TMEM117: variants seen among roughly 807,000 people sequenced by gnomAD.
TMEM117 encodes transmembrane protein 117.
TMEM117 carries 27 observed loss-of-function variants against 52.4 expected under a neutral mutation model. That is an observed-to-expected ratio of 0.51 (90% CI 0.38 to 0.71). The LOEUF (loss-of-function observed/expected upper bound fraction) is 0.71, where lower values mean the gene tolerates loss of function less well. Ranked by LOEUF, TMEM117 falls within the 30% of genes least tolerant of loss-of-function variation. The probability of loss-of-function intolerance (pLI) is 0.00; values close to 1 mark genes in which losing one functional copy is unlikely to be tolerated. For synonymous variants in TMEM117, 215 were observed against 206.3 expected (o/e 1.04, Z -0.36); for missense variants, 556 against 630.5 (o/e 0.88, Z 1.26).
At chr12:44,119,011 A>G (rs1346600765) in intron 3 of TMEM117, among the ~76,000 whole-genome samples, 2 of 152,216 alleles carry the variant, frequency 1.3e-5, no homozygotes, top group Admixed American at 6.5e-5. Flanking sequence ...CTGTACTCAT[A>G]ATTCAAGTTT....
chr12:44,034,318 A>T (rs1190586102), intron 3 of TMEM117, among the ~76,000 whole-genome samples: 1 of 152,232 alleles, frequency 6.6e-6, no homozygotes, highest in Non-Finnish European at 1.5e-5. Flanking sequence ...AGAGAGATGT[A>T]AACAGGGCAG....
At chr12:44,031,772 C>T (rs1946636474) in intron 3 of TMEM117, among the ~76,000 whole-genome samples, 1 of 152,082 alleles carries the variant, frequency 6.6e-6, no homozygotes, top group Admixed American at 6.5e-5. Flanking sequence ...TGTGAGTATC[C>T]TTAATTTATG....
intron 5 of TMEM117, among the ~76,000 whole-genome samples, chr12:44,276,683 T>A (rs1950515472): frequency 6.6e-6 from 1 of 152,148 alleles, no homozygotes; most frequent in South Asian, 2.1e-4. Context: ...ATATGTCAAA[T>A]AGCTTGATTA....
intron 2 of TMEM117, among the ~76,000 whole-genome samples, chr12:43,870,855 G>A (rs184005603): frequency 7.9e-5 from 12 of 152,182 alleles, no homozygotes; most frequent in African/African-American, 2.9e-4. Context: ...TGCTATCCCC[G>A]CTCACTGCAA....
At chr12:43,807,107 A>G in the TMEM117 span, among the ~76,000 whole-genome samples, 1 of 152,112 alleles carries the variant, frequency 6.6e-6, no homozygotes, top group Non-Finnish European at 1.5e-5. Flanking sequence ...CTGAAAGGTA[A>G]TGTTAGTTTT....
At chr12:44,024,997 C>T (rs1946511251) in intron 3 of TMEM117, among the ~76,000 whole-genome samples, 1 of 151,988 alleles carries the variant, frequency 6.6e-6, no homozygotes, top group Non-Finnish European at 1.5e-5. Context: ...CATGTTACAA[C>T]CAAAAGGTGA....
chr12:44,042,145 G>C (rs552120665), intron 3 of TMEM117, among the ~76,000 whole-genome samples: 1 of 152,098 alleles, frequency 6.6e-6, no homozygotes, highest in Non-Finnish European at 1.5e-5. Context: ...CTTCAGCAAA[G>C]TTTCAAGATA....
At chr12:43,976,405 C>T (rs1383134387) in intron 3 of TMEM117, among the ~76,000 whole-genome samples, 6 of 152,038 alleles carry the variant, frequency 3.9e-5, no homozygotes, top group Non-Finnish European at 8.8e-5. Context: ...TAGCAGCCCC[C>T]CTAAGCTGGC....
intron 3 of TMEM117, among the ~76,000 whole-genome samples, chr12:44,043,947 A>G (rs1946841413): frequency 6.6e-6 from 1 of 152,164 alleles, no homozygotes. Context: ...TCAGGGAGTT[A>G]AAAAAGGTTC....
intron 4 of TMEM117, among the ~76,000 whole-genome samples, chr12:44,206,024 A>G (rs1032316155): frequency 7.9e-5 from 12 of 152,258 alleles, no homozygotes; most frequent in Admixed American, 6.5e-4. Flanking sequence ...GACAGCCTTC[A>G]GAGCTGAGAG....
At chr12:43,937,682 G>T (rs1355507879) in intron 2 of TMEM117, among the ~76,000 whole-genome samples, 2 of 152,140 alleles carry the variant, frequency 1.3e-5, no homozygotes, top group Non-Finnish European at 2.9e-5. Flanking sequence ...CCTAGATGTA[G>T]AAAGATAGGA....
chr12:44,236,285 C>G (rs2087585163), intron 5 of TMEM117, among the ~76,000 whole-genome samples: 2 of 151,906 alleles, frequency 1.3e-5, no homozygotes, highest in Non-Finnish European at 2.9e-5. Flanking sequence ...TGTGTATGCC[C>G]TATTCTCTGA....
intron 2 of TMEM117, among the ~76,000 whole-genome samples, chr12:43,880,870 G>C (rs1406786): frequency 0.88 from 134,343 of 152,232 alleles, 61,380 homozygotes; most frequent in Non-Finnish European, 0.99. Flanking sequence ...GTTAAGAATA[G>C]TTTTGTATCA....
At chr12:44,022,713 AG>A (rs1393058481) in intron 3 of TMEM117, among the ~76,000 whole-genome samples, 1 of 152,180 alleles carries the variant, frequency 6.6e-6, no homozygotes, top group East Asian at 1.9e-4. Flanking sequence ...AATATTAGGA[AG>A]GGATAACACT....
intron 3 of TMEM117, among the ~76,000 whole-genome samples, chr12:43,981,018 C>T (rs756084343): frequency 6.6e-5 from 10 of 152,106 alleles, no homozygotes; most frequent in Non-Finnish European, 1.3e-4. Flanking sequence ...CCCTTATTAT[C>T]TGCCCTCGCC....
chr12:44,037,289 G>A (rs759072098), intron 3 of TMEM117, among the ~76,000 whole-genome samples: 9 of 152,136 alleles, frequency 5.9e-5, no homozygotes, highest in African/African-American at 1.9e-4. Flanking sequence ...TGTTCTTGAC[G>A]GCCTGGGAAG....
At chr12:44,326,434 T>A (rs1951196980) in intron 6 of TMEM117, among the ~76,000 whole-genome samples, 1 of 152,106 alleles carries the variant, frequency 6.6e-6, no homozygotes, top group African/African-American at 2.4e-5. Flanking sequence ...ACATCCAGGA[T>A]CTTGAGAGAC....
intron 3 of TMEM117, among the ~76,000 whole-genome samples, chr12:44,056,397 G>C (rs990385613): frequency 6.6e-6 from 1 of 152,060 alleles, no homozygotes; most frequent in African/African-American, 2.4e-5. Context: ...TGTTGGGAAA[G>C]GTGCTCCCAA....
intron 3 of TMEM117, among the ~76,000 whole-genome samples, chr12:44,124,327 A>G (rs143783739): frequency 8.5e-5 from 13 of 152,314 alleles, no homozygotes; most frequent in African/African-American, 3.1e-4. Context: ...TTTTCTAGAT[A>G]TAGGATCATG....
Sources: gnomAD v4.1 joint callset for allele counts (sites outside exome capture counted in the v4.1 genomes callset) on GRCh38, gnomAD v4.1.1 for gene constraint, MANE v1.5 for transcripts, NCBI Gene and HGNC (gene_info 2026-07-23, HGNC 2026-07-21) for gene names.